Variants in AGR3 observed in about 807,000 individuals in gnomAD.
AGR3 encodes the protein anterior gradient 3, protein disulphide isomerase family member.
AGR3 carries 37 observed loss-of-function variants against 24.5 expected under a neutral mutation model. That is an observed-to-expected ratio of 1.51 (90% CI 1.16 to 1.99). The LOEUF is 1.99. AGR3 is among the 30% of genes most tolerant of loss of function. The pLI is 0.00. For synonymous variants in AGR3, 75 were observed against 61.6 expected, an observed-to-expected ratio of 1.22 and a Z score of -1.02; for missense variants, 228 against 191.1, an observed-to-expected ratio of 1.19 and a Z score of -1.14.
intron 3 of AGR3, 95 bp from the exon 4 acceptor site, chr7:16,862,757 G>T (rs1781674792): frequency 2.6e-6 from 2 of 765,830 alleles, no homozygotes; most frequent in African/African-American, 3.7e-5. Flanking sequence ...CTTCAATAAG[G>T]CTTACAGTAG....
intron 5 of AGR3, among the ~76,000 whole-genome samples, 182 bp downstream of exon 5, chr7:16,861,802 G>A (rs1288101276): frequency 2.0e-5 from 3 of 151,504 alleles, no homozygotes; most frequent in Admixed American, 2.0e-4. Context: ...TTGGGAGGCT[G>A]AGACAGGAGA....
At chr7:16,870,477 C>T (rs1423243562) in intron 3 of AGR3, among the ~76,000 whole-genome samples, 1 of 151,944 alleles carries the variant, frequency 6.6e-6, no homozygotes, top group Non-Finnish European at 1.5e-5. Context: ...TAATGGGACA[C>T]TTCTATTTGT....
intron 3 of AGR3, among the ~76,000 whole-genome samples, chr7:16,867,541 A>G (rs1781781712): frequency 6.6e-6 from 1 of 152,144 alleles, no homozygotes; most frequent in Admixed American, 6.6e-5. Flanking sequence ...ACTGTCAGCA[A>G]TTTTCATGTA....
At chr7:16,876,945 G>A (rs1445296897) in intron 2 of AGR3, among the ~76,000 whole-genome samples, 1 of 151,980 alleles carries the variant, frequency 6.6e-6, no homozygotes, top group Non-Finnish European at 1.5e-5. Context: ...GTCACTTTAG[G>A]GCTACTGAGC....
chr7:16,872,277 G>C (rs1431976250), intron 3 of AGR3, among the ~76,000 whole-genome samples: 10 of 152,128 alleles, frequency 6.6e-5, no homozygotes, highest in Non-Finnish European at 1.0e-4. Flanking sequence ...CAATGGAATA[G>C]AATAGAGAAC....
chr7:16,859,900 A>T (rs995871976), intron 7 of AGR3, among the ~76,000 whole-genome samples: 23 of 152,064 alleles, frequency 1.5e-4, no homozygotes, highest in African/African-American at 5.3e-4. Flanking sequence ...ACTTTGTATT[A>T]GTATTGCTAG....
intron 3 of AGR3, among the ~76,000 whole-genome samples, chr7:16,869,887 C>G (rs142447908): frequency 1.3e-5 from 2 of 151,828 alleles, no homozygotes; most frequent in African/African-American, 2.4e-5. Flanking sequence ...CCCTATTGCT[C>G]TCTTTTCAGA....
chr7:16,864,879 T>C, intron 3 of AGR3: 2 of 881,922 alleles, frequency 2.3e-6, no homozygotes, highest in Non-Finnish European at 3.9e-6. Context: ...TGAGGATACC[T>C]GCAAAACTTA....
At chr7:16,857,414 T>G (rs1583831942), downstream of AGR3, among the ~76,000 whole-genome samples, 1 of 152,314 alleles carries the variant, frequency 6.6e-6, no homozygotes, top group African/African-American at 2.4e-5. Context: ...AAGTGAATGT[T>G]CAATGTTATT....
chr7:16,864,851 G>T, intron 3 of AGR3: 1 of 860,846 alleles, frequency 1.2e-6, no homozygotes, highest in South Asian at 1.3e-5. Flanking sequence ...AGTAAAGAGC[G>T]TGTATTCCAG....
At chr7:16,865,460 TGAGG>T (rs1781739586) in intron 3 of AGR3, 1 of 777,030 alleles carries the variant, frequency 1.3e-6, no homozygotes, top group South Asian at 1.4e-5. Context: ...AACTAATATT[TGAGG>T]TAGAATGCTC....
chr7:16,876,625 T>C (rs1416468086), intron 2 of AGR3, among the ~76,000 whole-genome samples: 1 of 152,096 alleles, frequency 6.6e-6, no homozygotes, highest in African/African-American at 2.4e-5. Context: ...CTCTCCATTA[T>C]CTCCCATGTA....
intron 6 of AGR3, among the ~76,000 whole-genome samples, chr7:16,860,997 AAACAAAT>A (rs1781630732): frequency 4.2e-5 from 1 of 23,956 alleles, no homozygotes; most frequent in Non-Finnish European, 1.3e-4. Context: ...TCTTAATCTA[AAACAAAT>A]GTCAAACCAA....
At chr7:16,873,996 A>C (rs1250999720) in intron 2 of AGR3, among the ~76,000 whole-genome samples, 153 bp from the exon 3 acceptor site, 1 of 152,208 alleles carries the variant, frequency 6.6e-6, no homozygotes, top group African/African-American at 2.4e-5. Flanking sequence ...AATTTTCACA[A>C]GATATGGAGG....
downstream of AGR3, among the ~76,000 whole-genome samples, chr7:16,858,993 A>G (rs904830712): frequency 2.0e-5 from 3 of 152,244 alleles, no homozygotes; most frequent in African/African-American, 7.2e-5. Context: ...GCTAAAAGTT[A>G]AAGTCACAAG....
At chr7:16,867,017 G>A (rs1781771243) in intron 3 of AGR3, among the ~76,000 whole-genome samples, 1 of 152,062 alleles carries the variant, frequency 6.6e-6, no homozygotes, top group African/African-American at 2.4e-5. Context: ...ATGAGGCCAG[G>A]GGAGCATCTA....
Position 16,859,461 on chromosome 7 carries a change from A to G in AGR3, c.*121T>C. 1 of 675,642 alleles carries G rather than the reference A, an allele frequency of 1.5e-6. No individual in the cohort carries two copies. Among genetic ancestry groups the G allele is most frequent in the South Asian group, 1.8e-5 (1 of 56,534 alleles). The allele number at this position is 675,642 out of a possible 1,614,324, so 41.9% of individuals were successfully genotyped here. A position where few individuals can be genotyped will look rare whatever the true frequency, so the allele number is the denominator to read the frequency against. ...AATAAGACTATTGCAAACACATTAA[A>G]AAAACTAAATAGTAATATTACAAAA... is the stretch of plus-strand genomic sequence containing the variant. On this transcript the variant is annotated 3_prime_UTR_variant, in exon 8 of 8. Transcript: ENST00000310398.
chr7:16,866,293 G>C, intron 3 of AGR3: 3 of 547,816 alleles, frequency 5.5e-6, no homozygotes, highest in South Asian at 4.3e-5. Context: ...TTTGGTCTAA[G>C]AAAAGTTTTT....
In AGR3 at chr7:16,861,423, A is replaced by G; in HGVS notation, c.328T>C (p.Ser110Pro). ...LMHETTDKNL[S>P]PDGQYVPRIM... is the part of the protein sequence containing the mutation. The stretch of plus-strand genomic sequence containing the variant: ...CTAGGCACATATTGCCCATCAGGTG[A>G]TAAATTCTTATCAGTGGTTTCATGC... The change falls in exon 6 of 8, where the codon TCA (serine) becomes CCA (proline). Residue 110 changes from serine (S) to proline (P), a missense_variant. Transcript: ENST00000310398. The G allele has an allele frequency of 1.2e-6, 2 of 1,611,716 alleles. No individual in the cohort carries two copies. The highest frequency in any genetic ancestry group is 1.7e-6 in the Non-Finnish European group (2 of 1,178,786).
Sources: gnomAD v4.1 joint callset for allele counts (sites outside exome capture counted in the v4.1 genomes callset) on GRCh38, gnomAD v4.1.1 for gene constraint, MANE v1.5 for transcripts, NCBI Gene and HGNC (gene_info 2026-07-23, HGNC 2026-07-21) for gene names.